The following BEND3 variants were observed in gnomAD, a reference collection of about 807,000 sequenced individuals.
The protein encoded by BEND3 is BEN domain containing 3.
BEND3 carries 13 observed loss-of-function variants against 60.1 expected under a neutral mutation model. The observed-to-expected ratio is 0.22, with a 90% CI of 0.14 to 0.34. The LOEUF (loss-of-function observed/expected upper bound fraction) is 0.34. BEND3 is among the 10% of genes least tolerant of loss of function. BEND3 has a pLI of 1.00. For missense variants in BEND3, 896 were observed against 1,138.1 expected, an observed-to-expected ratio of 0.79 and a Z score of 3.06; for synonymous variants, 497 against 491.5, an observed-to-expected ratio of 1.01 and a Z score of -0.15.
In BEND3 at chr6:107,075,263, G is replaced by A. The variant is rs565611233; in HGVS notation, c.241-4313C>T. ...ATAAATAAATAAAGAGGGAGGGAAG[G>A]AGGAAATAAGAAAGCAAAAAGAATA... On this transcript the variant is annotated intron_variant, in intron 3 of 3. Transcript: ENST00000369042. Among the ~76,000 whole-genome samples, 3 of 150,488 alleles carry A rather than the reference G, an allele frequency of 2.0e-5. No individual in the cohort carries two copies. In the South Asian group the frequency reaches 6.3e-4, roughly 32 times the overall value.
chr6:107,091,680 A>T (rs1488227730), intron 3 of BEND3, among the ~76,000 whole-genome samples: 1 of 152,212 alleles, frequency 6.6e-6, no homozygotes, highest in Non-Finnish European at 1.5e-5. Context: ...CAAAACACAA[A>T]GTACCAGGCC....
At chr6:107,078,183 A>C (rs181026738) in intron 3 of BEND3, among the ~76,000 whole-genome samples, 203 of 152,260 alleles carry the variant, frequency 1.3e-3, no homozygotes, top group African/African-American at 4.7e-3. Context: ...GTCACTCATA[A>C]AACAAGTTGT....
chr6:107,068,242 T>A lies in BEND3; in HGVS notation c.*462A>T, dbSNP rs1774872398. ...ACGAACATGGCACTTTTAAAGAGAT[T>A]TTTTTCTAAGTAAAATGGCCCCCAA... On this transcript the variant is annotated 3_prime_UTR_variant, in exon 4 of 4. Transcript: ENST00000369042. This position sits in a 1 kb window ranked among gnomAD's most constrained non-coding sequence, Gnocchi z 5.8. The A allele has an allele frequency of 6.5e-6, 1 of 155,032 alleles. No individual in the cohort carries two copies. The highest frequency in any genetic ancestry group is 2.4e-5 in the African/African-American group (1 of 41,440). The allele number at this position is 155,032 out of a possible 1,614,324, so 9.6% of individuals were successfully genotyped here. A position where few individuals can be genotyped will look rare whatever the true frequency, so the allele number is the denominator to read the frequency against.
chr6:107,085,843 G>C (rs1775335485), intron 3 of BEND3, among the ~76,000 whole-genome samples: 1 of 147,966 alleles, frequency 6.8e-6, no homozygotes, highest in Non-Finnish European at 1.5e-5. Context: ...CTGGAGTGCA[G>C]TGGCCCGATC....
intron 1 of BEND3, chr6:107,113,771 A>T (rs149205121): frequency 6.6e-6 from 1 of 150,694 alleles, no homozygotes; most frequent in Non-Finnish European, 1.5e-5. Context: ...TTAAAAAAAA[A>T]AGAGAGAAAA....
intron 3 of BEND3, among the ~76,000 whole-genome samples, chr6:107,082,734 G>A (rs528950990): frequency 2.6e-5 from 4 of 151,980 alleles, no homozygotes; most frequent in Non-Finnish European, 4.4e-5. Flanking sequence ...CAGCCTAGTG[G>A]TTGCTTTAAA....
chr6:107,075,472 C>T (rs1021964022), intron 3 of BEND3, among the ~76,000 whole-genome samples: 1 of 152,124 alleles, frequency 6.6e-6, no homozygotes, highest in Non-Finnish European at 1.5e-5. Context: ...GCCTTACTTG[C>T]TAATTCCTGT....
At chr6:107,105,307 G>T (rs1247794440) in intron 1 of BEND3, among the ~76,000 whole-genome samples, 5 of 151,284 alleles carry the variant, frequency 3.3e-5, no homozygotes, top group Admixed American at 6.6e-5. Context: ...GGAGACAGAG[G>T]TTGCAGTGAG....
chr6:107,114,357 C>T (rs1303019711), intron 1 of BEND3: 3 of 152,104 alleles, frequency 2.0e-5, no homozygotes, highest in African/African-American at 4.8e-5. Context: ...GCCTCCAGCT[C>T]CTGGGCAGCG....
rs1187765144 is a variant in BEND3 at position 107,067,700 on chromosome 6, G to C, written c.*1004C>G. On this transcript the variant is annotated 3_prime_UTR_variant, in exon 4 of 4. Transcript: ENST00000369042. ...CTGGAGTAGCTAACACTGAGGTCTG[G>C]GGAAGTCACCACAAAGCTCCCGGAA... 1 of 152,310 alleles carries C rather than the reference G, an allele frequency of 6.6e-6. No individual in the cohort carries two copies. The highest frequency in any genetic ancestry group is 1.5e-5 in the Non-Finnish European group (1 of 68,156). 9.4% of individuals were successfully genotyped at this position (152,310 alleles called of 1,614,324 possible).
Position 107,068,658 on chromosome 6 carries a change from C to T in BEND3, c.*46G>A, listed in dbSNP as rs1306677545. The T allele has an allele frequency of 2.1e-5, 33 of 1,578,896 alleles. No individual in the cohort carries two copies. The highest frequency in any genetic ancestry group is 4.0e-5 in the African/African-American group (3 of 74,292). ...ATTGCTCAGTCCCAAGGGTGCCCAT[C>T]GCTCAGCCTCTGGTGACCCCGAATC... On this transcript the variant is annotated 3_prime_UTR_variant, in exon 4 of 4. Coordinates refer to ENST00000369042, the MANE Select transcript of BEND3 (RefSeq NM_001367314.1). The surrounding 1 kb of genome is among the most constrained non-coding windows in gnomAD (Gnocchi z 5.8).
intron 1 of BEND3, among the ~76,000 whole-genome samples, chr6:107,104,529 T>A (rs188253679): frequency 1.3e-5 from 2 of 152,072 alleles, no homozygotes; most frequent in Non-Finnish European, 2.9e-5. Flanking sequence ...AAAAATAGCA[T>A]AATATTTGCA....
In BEND3 at chr6:107,070,912, C is replaced by T. The variant is rs141741155; in HGVS notation, c.279G>A (p.Ser93=). 196 of 1,613,336 alleles carry T rather than the reference C, an allele frequency of 1.2e-4. No homozygotes were observed. The highest frequency in any genetic ancestry group is 1.5e-4 in the Non-Finnish European group (180 of 1,179,764). The stretch of plus-strand genomic sequence containing the variant: ...CCTGCTCACCATTGCCTTGGCAGGG[C>T]GAGCTGTTCTCACGGTTCCGCATGC... The part of the protein sequence containing the change: ...LAGMRNRENS[S]PCQGNGEQAG... The change falls in exon 4 of 4, where the codon TCG becomes TCA. Residue 93 remains serine (S), a synonymous_variant. Transcript: ENST00000369042. The surrounding 1 kb of genome is among the most constrained non-coding windows in gnomAD (Gnocchi z 6.9).
intron 1 of BEND3, among the ~76,000 whole-genome samples, chr6:107,103,102 CTCTGGAAAGTCAG>C (rs1276591275): frequency 6.6e-6 from 1 of 152,220 alleles, no homozygotes; most frequent in Admixed American, 6.5e-5. Flanking sequence ...TCCATTAGCA[CTCTGGAAAGTCAG>C]TCTGCTCCGT....
At chr6:107,080,753 G>A (rs1194951460) in intron 3 of BEND3, among the ~76,000 whole-genome samples, 1 of 151,942 alleles carries the variant, frequency 6.6e-6, no homozygotes, top group Non-Finnish European at 1.5e-5. Flanking sequence ...GCGTGGTGGT[G>A]CGCACCTGTA....
intron 3 of BEND3, among the ~76,000 whole-genome samples, chr6:107,096,962 G>A (rs560665402): frequency 6.6e-6 from 1 of 152,224 alleles, no homozygotes; most frequent in Non-Finnish European, 1.5e-5. Flanking sequence ...TCCAGCCTGG[G>A]CGACAGAGCG....
At chr6:107,079,603 A>C (rs145757155) in intron 3 of BEND3, among the ~76,000 whole-genome samples, 129 of 152,222 alleles carry the variant, frequency 8.5e-4, no homozygotes, top group African/African-American at 3.0e-3. Flanking sequence ...GGCACTGAAG[A>C]AGCAAGCCAC....
chr6:107,068,546 G>T lies in BEND3; in HGVS notation c.*158C>A, dbSNP rs952218808. ...CTCAAGGCTTCTTTCTTGCGGTTGG[G>T]TGGGTGTTTACGTGTGCAAATGTAG... On this transcript the variant is annotated 3_prime_UTR_variant, in exon 4 of 4. Transcript: ENST00000369042. The surrounding 1 kb of genome is among the most constrained non-coding windows in gnomAD (Gnocchi z 5.8). 15 of 763,282 alleles carry T rather than the reference G, an allele frequency of 2.0e-5. No individual in the cohort carries two copies. In the African/African-American group the frequency reaches 2.1e-4, roughly 11 times the overall value. 47.3% of individuals were successfully genotyped at this position (763,282 alleles called of 1,614,324 possible).
chr6:107,115,049 T>A (rs1203245062), intron 1 of BEND3, 41 bp downstream of exon 1: 3 of 145,390 alleles, frequency 2.1e-5, no homozygotes, highest in African/African-American at 7.5e-5. Context: ...CCGCCAACGC[T>A]GCCGCCGCCG....
Sources: gnomAD v4.1 joint callset for allele counts (sites outside exome capture counted in the v4.1 genomes callset) on GRCh38, gnomAD v4.1.1 for gene constraint, Gnocchi (gnomAD v3.1) non-coding constraint, MANE v1.5 for transcripts, NCBI Gene and HGNC (gene_info 2026-07-23, HGNC 2026-07-21) for gene names.